The following KIF4A variants were observed in gnomAD, a reference collection of about 807,000 sequenced individuals.
KIF4A encodes chromosome-associated kinesin KIF4A.
In KIF4A, 7 loss-of-function variants were observed where a neutral mutation model predicts 105.9. That is an observed-to-expected ratio of 0.07 (90% CI 0.04 to 0.12). The LOEUF is 0.12. Among genes scored for constraint, KIF4A ranks in the 10% least tolerant of loss-of-function variants. The pLI is 1.00. For synonymous variants in KIF4A, 281 were observed against 331.3 expected (o/e 0.85, Z 1.65); for missense variants, 558 against 929.2 (o/e 0.60, Z 5.19).
chrX:70,299,254 C>T, intron 5 of KIF4A, 52 bp downstream of exon 5: 2 of 981,484 alleles, frequency 2.0e-6, no homozygotes, highest in Non-Finnish European at 2.8e-6. Context: ...AATTATAATA[C>T]TAAAGTTCAC....
chrX:70,296,878 A>G (rs2147657996), intron 3 of KIF4A, 120 bp from the exon 4 acceptor site: 9 of 788,082 alleles, frequency 1.1e-5, no homozygotes, highest in Non-Finnish European at 1.5e-5. Context: ...GCCATTCTTA[A>G]GAGACTGTAT....
At chrX:70,327,004 A>G (rs184689328) in intron 7 of KIF4A, among the ~76,000 whole-genome samples, 3 of 112,125 alleles carry the variant, frequency 2.7e-5, no homozygotes, top group East Asian at 5.6e-4. Context: ...ATATGAAACT[A>G]TAGATGGAAG....
At chrX:70,319,962 T>C (rs1435208624) in intron 7 of KIF4A, among the ~76,000 whole-genome samples, 1 of 111,829 alleles carries the variant, frequency 8.9e-6, no homozygotes, top group African/African-American at 3.2e-5. Context: ...TAATTTTTTT[T>C]CAGTGCCCAT....
chrX:70,345,463 C>CA (rs761709179), intron 13 of KIF4A, among the ~76,000 whole-genome samples: 921 of 59,895 alleles, frequency 0.015, 14 homozygotes, highest in African/African-American at 0.051. Flanking sequence ...GACTTCATCT[C>CA]AAAAAAAAAA....
At chrX:70,341,966 A>G in intron 11 of KIF4A, 35 bp downstream of exon 11, 1 of 1,181,370 alleles carries the variant, frequency 8.5e-7, no homozygotes, top group East Asian at 3.0e-5. Context: ...AGCAATCTGA[A>G]CATTTACTAG....
At chrX:70,394,329 G>A (rs1377728321) in intron 20 of KIF4A, among the ~76,000 whole-genome samples, 4 of 108,725 alleles carry the variant, frequency 3.7e-5, no homozygotes, top group Non-Finnish European at 5.7e-5. Flanking sequence ...TCAGTCTCCC[G>A]ACTAGCTGAG....
At chrX:70,324,712 T>C (rs1367803774) in intron 7 of KIF4A, among the ~76,000 whole-genome samples, 1 of 111,400 alleles carries the variant, frequency 9.0e-6, no homozygotes, top group Non-Finnish European at 1.9e-5. Context: ...AAAAAAAGAA[T>C]GGTAAAGGGT....
rs190576626 is a variant in KIF4A, at chrX:70,346,932, T to C, written c.1431+2950T>C. Among the ~76,000 whole-genome samples the C allele has an allele frequency of 2.7e-5, 3 of 112,246 alleles. No homozygotes were observed. The Admixed American group carries it at 2.8e-4, about 11-fold the overall frequency. On this transcript the variant is annotated intron_variant, in intron 13 of 30. Coordinates refer to ENST00000374403, the MANE Select transcript of KIF4A (RefSeq NM_012310.5). ...TAAAACTATTTTTATTTTAAGTGAC[T>C]AGTGAACACCCCCTTTTCCATTATA...
At chrX:70,306,079 A>G (rs777414684) in intron 7 of KIF4A, among the ~76,000 whole-genome samples, 2 of 112,077 alleles carry the variant, frequency 1.8e-5, no homozygotes, top group African/African-American at 6.5e-5. Flanking sequence ...TAATTTTTGC[A>G]TATGATGTGA....
chrX:70,403,108 C>G (rs1284957442), intron 23 of KIF4A, among the ~76,000 whole-genome samples: 3 of 112,130 alleles, frequency 2.7e-5, no homozygotes, highest in Non-Finnish European at 5.6e-5. Flanking sequence ...TATAAAGATT[C>G]ATTTTAGGGA....
At position 70,371,732 on chromosome X, in the gene KIF4A, C is replaced by T. The variant is rs1335262255; in HGVS notation, c.1675-2419C>T. On this transcript the variant is annotated intron_variant, in intron 15 of 30. Coordinates refer to ENST00000374403, the MANE Select transcript of KIF4A (RefSeq NM_012310.5). Reference sequence around the variant, plus strand: ...CCCCCCACCTCCCTCCCGGACGGGGCGGCTGCTGGGCGGAGACGCTCCTCA... The same window carrying T: ...CCCCCCACCTCCCTCCCGGACGGGGTGGCTGCTGGGCGGAGACGCTCCTCA... Among the ~76,000 whole-genome samples the T allele has an allele frequency of 8.3e-5, 9 of 109,059 alleles. No individual in the cohort carries two copies. The Admixed American group carries it at 8.6e-4, about 10-fold the overall frequency. 94.7% of individuals were successfully genotyped at this position (109,059 alleles called of 115,157 possible). A position where few individuals can be genotyped will look rare whatever the true frequency, so the allele number is the denominator to read the frequency against.
chrX:70,362,323 G>A (rs2086079581), intron 15 of KIF4A: 2 of 321,674 alleles, frequency 6.2e-6, no homozygotes, highest in South Asian at 3.4e-5. Context: ...GGGGTGCTGC[G>A]GATGTAGAGA....
chrX:70,389,493 G>T (rs980982988), intron 20 of KIF4A, among the ~76,000 whole-genome samples: 1 of 112,425 alleles, frequency 8.9e-6, no homozygotes, highest in African/African-American at 3.2e-5. Flanking sequence ...GCTTGAACCG[G>T]GGAGGCAGAG....
At chrX:70,411,480 A>T (rs779112004) in intron 28 of KIF4A, among the ~76,000 whole-genome samples, 1 of 107,954 alleles carries the variant, frequency 9.3e-6, no homozygotes, top group Non-Finnish European at 1.9e-5. Flanking sequence ...TTTGGACCAG[A>T]TCTCATCCTT....
At chrX:70,334,130 A>G (rs1354118192) in intron 10 of KIF4A, among the ~76,000 whole-genome samples, 6 of 110,307 alleles carry the variant, frequency 5.4e-5, no homozygotes, top group African/African-American at 2.0e-4. Context: ...TATTTTCCCT[A>G]CCCCAGTTCT....
chrX:70,313,487 T>C (rs2147666811), intron 7 of KIF4A, among the ~76,000 whole-genome samples: 1 of 111,874 alleles, frequency 8.9e-6, no homozygotes, highest in South Asian at 3.8e-4. Context: ...TTTGGACTTA[T>C]TTCTGTCATA....
intron 10 of KIF4A, among the ~76,000 whole-genome samples, chrX:70,340,334 G>A (rs1423135831): frequency 8.9e-6 from 1 of 111,885 alleles, no homozygotes; most frequent in South Asian, 3.7e-4. Context: ...AAATATTCAA[G>A]CATTTGCCTC....
intron 25 of KIF4A, 126 bp downstream of exon 25, chrX:70,404,948 C>T: frequency 2.2e-6 from 1 of 458,453 alleles, no homozygotes; most frequent in East Asian, 4.0e-5. Flanking sequence ...TAATGGTAGC[C>T]TCTACTGCTT....
At chrX:70,376,625 C>G (rs1373839201) in intron 18 of KIF4A, among the ~76,000 whole-genome samples, 1 of 111,750 alleles carries the variant, frequency 8.9e-6, no homozygotes, top group East Asian at 2.8e-4. Flanking sequence ...GAGATAAGTA[C>G]AAGCATTCCA....
Sources: allele counts gnomAD v4.1 joint callset (sites outside exome capture counted in the v4.1 genomes callset), GRCh38; gene constraint gnomAD v4.1.1; transcripts MANE v1.5; gene names NCBI Gene and HGNC (gene_info 2026-07-23, HGNC 2026-07-21).